Variants in ASIC2 observed in about 807,000 individuals in gnomAD.
The protein encoded by ASIC2 is acid sensing ion channel subunit 2.
A neutral mutation model predicts 57.3 loss-of-function variants in ASIC2; 25 were observed. That is an observed-to-expected ratio of 0.44 (90% CI 0.32 to 0.61). The LOEUF (loss-of-function observed/expected upper bound fraction) is 0.61, where lower values mean the gene tolerates loss of function less well. ASIC2 is among the 20% of genes least tolerant of loss of function. ASIC2 has a pLI of 0.06. For missense variants in ASIC2, 641 were observed against 738.1 expected (o/e 0.87, Z 1.52); for synonymous variants, 319 against 307.5 (o/e 1.04, Z -0.39).
intron 1 of ASIC2, among the ~76,000 whole-genome samples, chr17:34,036,373 G>A (rs1413462970): frequency 8.7e-6 from 1 of 114,878 alleles, no homozygotes; most frequent in Non-Finnish European, 1.7e-5. Context: ...GGACTGTTGT[G>A]GGGTGGGGGG....
chr17:33,256,913 C>T (rs1909101048), intron 1 of ASIC2, among the ~76,000 whole-genome samples: 1 of 152,160 alleles, frequency 6.6e-6, no homozygotes, highest in Non-Finnish European at 1.5e-5. Flanking sequence ...TTTCCCCTCC[C>T]CACTGGGTTC....
chr17:33,399,568 C>G (rs1343147612), intron 1 of ASIC2, among the ~76,000 whole-genome samples: 3 of 152,220 alleles, frequency 2.0e-5, no homozygotes, highest in South Asian at 4.1e-4. Flanking sequence ...CTGTTCCCCA[C>G]AGCATGCTGG....
At chr17:33,470,090 G>A (rs1313092274) in intron 1 of ASIC2, among the ~76,000 whole-genome samples, 1 of 152,190 alleles carries the variant, frequency 6.6e-6, no homozygotes. Context: ...TCAGAGCTGG[G>A]AATGACTCAT....
intron 1 of ASIC2, among the ~76,000 whole-genome samples, chr17:33,401,979 T>G (rs978939096): frequency 6.6e-6 from 1 of 152,192 alleles, no homozygotes; most frequent in African/African-American, 2.4e-5. Flanking sequence ...TTGATTCTCT[T>G]CTTTGACTCC....
chr17:33,811,639 C>G (rs1871096541), intron 1 of ASIC2, among the ~76,000 whole-genome samples: 1 of 152,162 alleles, frequency 6.6e-6, no homozygotes, highest in Admixed American at 6.5e-5. Flanking sequence ...CTCAACCAAC[C>G]AGGGAGGGTC....
chr17:33,036,805 C>T (rs1465233970), intron 3 of ASIC2, among the ~76,000 whole-genome samples: 1 of 152,132 alleles, frequency 6.6e-6, no homozygotes, highest in Non-Finnish European at 1.5e-5. Context: ...GTGAGCTAAA[C>T]AGGCTTTCAC....
At chr17:33,957,662 C>T (rs1904778365) in intron 1 of ASIC2, among the ~76,000 whole-genome samples, 1 of 152,164 alleles carries the variant, frequency 6.6e-6, no homozygotes, top group Non-Finnish European at 1.5e-5. Flanking sequence ...AGTTCTCTCC[C>T]ATGACACGTG....
chr17:33,571,970 T>C (rs1219677599), intron 1 of ASIC2: 1 of 152,246 alleles, frequency 6.6e-6, no homozygotes, highest in East Asian at 1.9e-4. Context: ...ATTATATTTC[T>C]GGCATTTTCT....
chr17:33,642,984 T>C (rs1297234841), intron 1 of ASIC2, among the ~76,000 whole-genome samples: 3 of 152,170 alleles, frequency 2.0e-5, no homozygotes, highest in Non-Finnish European at 4.4e-5. Flanking sequence ...GTGGGTGCCC[T>C]TGGCAGCTCC....
chr17:33,606,095 G>A (rs571161027), intron 1 of ASIC2, among the ~76,000 whole-genome samples: 307 of 152,300 alleles, frequency 2.0e-3, no homozygotes, highest in Middle Eastern at 3.4e-3. Context: ...GCTGTCAGGC[G>A]CTGTTATTAG....
intron 1 of ASIC2, among the ~76,000 whole-genome samples, chr17:33,579,492 T>G (rs576916196): frequency 7.2e-5 from 11 of 152,188 alleles, no homozygotes; most frequent in South Asian, 2.1e-4. Flanking sequence ...ATCACGTGCC[T>G]TACTGTGCCC....
At chr17:33,428,809 T>G (rs1245017162) in intron 1 of ASIC2, among the ~76,000 whole-genome samples, 2 of 152,150 alleles carry the variant, frequency 1.3e-5, no homozygotes, top group Admixed American at 6.5e-5. Flanking sequence ...CGTTCCTGTC[T>G]CTGAATGTTC....
At chr17:33,680,326 G>T (rs1158465733) in intron 1 of ASIC2, among the ~76,000 whole-genome samples, 1 of 152,148 alleles carries the variant, frequency 6.6e-6, no homozygotes, top group Non-Finnish European at 1.5e-5. Context: ...GTACCTGCAG[G>T]ACCTACAGTG....
chr17:33,309,274 T>C (rs1238500295), intron 1 of ASIC2, among the ~76,000 whole-genome samples: 2 of 152,180 alleles, frequency 1.3e-5, no homozygotes, highest in Non-Finnish European at 2.9e-5. Context: ...TCTCTTTTTC[T>C]TCATATACCC....
chr17:33,998,264 T>C (rs1906225090), intron 1 of ASIC2, among the ~76,000 whole-genome samples: 1 of 152,102 alleles, frequency 6.6e-6, no homozygotes, highest in African/African-American at 2.4e-5. Flanking sequence ...TTTATTTGAG[T>C]TTTCTCTTTT....
chr17:33,344,206 T>C (rs1016308578), intron 1 of ASIC2, among the ~76,000 whole-genome samples: 6 of 152,186 alleles, frequency 3.9e-5, no homozygotes, highest in African/African-American at 1.4e-4. Flanking sequence ...ACAGGGTGGA[T>C]GCTCAGTAAA....
intron 8 of ASIC2, 136 bp downstream of exon 8, chr17:33,017,469 T>C (rs2091812943): frequency 1.4e-6 from 1 of 706,338 alleles, no homozygotes; most frequent in African/African-American, 1.8e-5. Flanking sequence ...AGTGATCGAC[T>C]CTATTGGTGG....
At chr17:33,736,866 C>G (rs1382645343) in intron 1 of ASIC2, among the ~76,000 whole-genome samples, 1 of 152,178 alleles carries the variant, frequency 6.6e-6, no homozygotes, top group Non-Finnish European at 1.5e-5. Context: ...TTCACAAAGA[C>G]ATATATCATG....
chr17:34,011,154 C>T (rs1261138762), intron 1 of ASIC2, among the ~76,000 whole-genome samples: 9 of 152,226 alleles, frequency 5.9e-5, no homozygotes, highest in African/African-American at 1.7e-4. Context: ...CACATAGACA[C>T]ATAGAGATGC....
Sources: allele counts gnomAD v4.1 joint callset (sites outside exome capture counted in the v4.1 genomes callset), GRCh38; gene constraint gnomAD v4.1.1; transcripts MANE v1.5; gene names NCBI Gene and HGNC (gene_info 2026-07-23, HGNC 2026-07-21).